The following AFG1L variants were observed in gnomAD, a reference collection of about 807,000 sequenced individuals.
AFG1L encodes AFG1-like ATPase.
A neutral mutation model predicts 62.2 loss-of-function variants in AFG1L; 53 were observed. The observed-to-expected ratio is 0.85, with a 90% CI of 0.68 to 1.07. AFG1L has a LOEUF of 1.07. Ranked by LOEUF, AFG1L falls within the 50% of genes least tolerant of loss-of-function variation. The probability of loss-of-function intolerance (pLI) is 0.00; values close to 1 mark genes in which losing one functional copy is unlikely to be tolerated. For missense variants in AFG1L, 555 were observed against 590.5 expected (o/e 0.94, Z 0.62); for synonymous variants, 228 against 210.3 (o/e 1.08, Z -0.73).
At chr6:108,354,686 G>A (rs1355205529) in intron 3 of AFG1L, among the ~76,000 whole-genome samples, 1 of 152,096 alleles carries the variant, frequency 6.6e-6, no homozygotes, top group Non-Finnish European at 1.5e-5. Context: ...GCTAGACAAA[G>A]GGATGATTTA....
chr6:108,511,134 A>G (rs71558322), intron 11 of AFG1L, among the ~76,000 whole-genome samples: 2 of 141,106 alleles, frequency 1.4e-5, no homozygotes, highest in African/African-American at 5.0e-5. Context: ...AAGGAGGAGG[A>G]GGAGGAGGAG....
intron 10 of AFG1L, among the ~76,000 whole-genome samples, chr6:108,484,577 A>G (rs776882869): frequency 6.6e-6 from 1 of 152,198 alleles, no homozygotes; most frequent in Non-Finnish European, 1.5e-5. Context: ...TTGCCTTGCA[A>G]TGCCAAATTG....
chr6:108,359,785 T>C (rs1779450426), intron 5 of AFG1L: 1 of 152,222 alleles, frequency 6.6e-6, no homozygotes, highest in Admixed American at 6.5e-5. Context: ...TAGAAAGTAA[T>C]GGAGCTCCAG....
intron 6 of AFG1L, among the ~76,000 whole-genome samples, chr6:108,390,283 A>G (rs923994941): frequency 6.6e-6 from 1 of 152,062 alleles, no homozygotes. Context: ...TCTTTTTTCA[A>G]GGTTTTTAGC....
At chr6:108,401,278 G>C (rs967761136) in intron 6 of AFG1L, among the ~76,000 whole-genome samples, 12 of 151,692 alleles carry the variant, frequency 7.9e-5, no homozygotes. Flanking sequence ...GAGTAGCTGG[G>C]ACTAGAGGCG....
Position 108,439,948 on chromosome 6 carries a change from G to A in AFG1L, c.808-7266G>A, listed in dbSNP as rs1361779479. 2.6e-5 allele frequency among the ~76,000 whole-genome samples: 4 copies of A among 151,968 alleles called. No homozygotes were observed. The East Asian group carries it at 5.8e-4, about 22-fold the overall frequency. On this transcript the variant is annotated intron_variant, in intron 7 of 12. Transcript: ENST00000368977. ...CAATTAAGCTTTTCTGTATTTAAGT[G>A]TTTATTTTCTTTCATAGAACTTTTA...
At chr6:108,299,379 A>C (rs190747562) in intron 1 of AFG1L, among the ~76,000 whole-genome samples, 1 of 152,276 alleles carries the variant, frequency 6.6e-6, no homozygotes, top group East Asian at 1.9e-4. Flanking sequence ...TGACATAATA[A>C]GTAAAAAGTA....
chr6:108,353,042 A>G (rs1779142792), intron 3 of AFG1L, among the ~76,000 whole-genome samples: 1 of 152,092 alleles, frequency 6.6e-6, no homozygotes, highest in African/African-American at 2.4e-5. Flanking sequence ...ATTGTGAATA[A>G]TTCTGCTGTG....
intron 6 of AFG1L, among the ~76,000 whole-genome samples, chr6:108,375,650 C>T (rs1266718476): frequency 1.3e-5 from 2 of 152,054 alleles, no homozygotes; most frequent in East Asian, 3.9e-4. Flanking sequence ...TATGTTGAAC[C>T]AACCTTGCAT....
At position 108,415,799 on chromosome 6, in the gene AFG1L, A is replaced by G. The variant is rs376766871; in HGVS notation, c.807+13745A>G. Among the ~76,000 whole-genome samples, 10 of 152,358 alleles carry G rather than the reference A, an allele frequency of 6.6e-5. No individual in the cohort carries two copies. In the East Asian group the frequency reaches 7.7e-4, roughly 12 times the overall value. On this transcript the variant is annotated intron_variant, in intron 7 of 12. Transcript: ENST00000368977. Reference sequence around the variant, plus strand: ...GATGGATTAAAGACTTAAATGTTAGACCTAAAACCATAAAAACCTAGAAGA... The same window carrying G: ...GATGGATTAAAGACTTAAATGTTAGGCCTAAAACCATAAAAACCTAGAAGA...
intron 8 of AFG1L, among the ~76,000 whole-genome samples, chr6:108,454,184 A>G (rs1464517019): frequency 2.0e-5 from 3 of 152,134 alleles, no homozygotes; most frequent in Non-Finnish European, 2.9e-5. Flanking sequence ...TTATATTCCT[A>G]TCATTTCTAC....
intron 1 of AFG1L, among the ~76,000 whole-genome samples, chr6:108,321,665 A>C (rs1777816342): frequency 6.6e-6 from 1 of 152,192 alleles, no homozygotes; most frequent in African/African-American, 2.4e-5. Context: ...AAATATCTCA[A>C]ATTGCCGGGA....
intron 6 of AFG1L, among the ~76,000 whole-genome samples, chr6:108,370,053 G>A (rs1779935621): frequency 6.6e-6 from 1 of 152,108 alleles, no homozygotes; most frequent in South Asian, 2.1e-4. Flanking sequence ...GCAAAGCTGA[G>A]TGGCTGGAGA....
Position 108,377,927 on chromosome 6 carries a change from T to C in AFG1L, c.748+11595T>C, listed in dbSNP as rs549634243. ...ATATATTTTCCAAGTTGTTTGCTTT[T>C]TCTCCTTCTCTCTCAGGAATGCCAA... On this transcript the variant is annotated intron_variant, in intron 6 of 12. Coordinates refer to ENST00000368977, the MANE Select transcript of AFG1L (RefSeq NM_145315.5). 2.0e-5 allele frequency among the ~76,000 whole-genome samples: 3 copies of C among 152,034 alleles called. No homozygotes were observed. In the East Asian group the frequency reaches 5.8e-4, roughly 29 times the overall value.
intron 1 of AFG1L, among the ~76,000 whole-genome samples, chr6:108,323,494 T>A (rs560751625): frequency 6.1e-4 from 93 of 152,216 alleles, no homozygotes; most frequent in African/African-American, 2.2e-3. Context: ...CCCAGGTAGC[T>A]GGGATTACAA....
chr6:108,367,538 T>A (rs2114502775), intron 6 of AFG1L, among the ~76,000 whole-genome samples: 1 of 152,136 alleles, frequency 6.6e-6, no homozygotes, highest in East Asian at 1.9e-4. Context: ...GAGAGAGGGA[T>A]CAAGAGTAAC....
chr6:108,376,277 G>T (rs1780243392), intron 6 of AFG1L, among the ~76,000 whole-genome samples: 1 of 151,962 alleles, frequency 6.6e-6, no homozygotes, highest in Admixed American at 6.6e-5. Context: ...TGGTTTCGCT[G>T]ATTCTTTGTG....
intron 6 of AFG1L, among the ~76,000 whole-genome samples, chr6:108,399,178 G>GTTTTTTTTT (rs57304886): frequency 1.6e-5 from 1 of 62,206 alleles, no homozygotes; most frequent in African/African-American, 6.7e-5. Flanking sequence ...TCTTTTGTTT[G>GTTTTTTTTT]TTTTTTTTTT....
At chr6:108,467,855 G>A (rs1165228801) in intron 8 of AFG1L, among the ~76,000 whole-genome samples, 1 of 152,296 alleles carries the variant, frequency 6.6e-6, no homozygotes, top group East Asian at 1.9e-4. Context: ...TATTTTTTAA[G>A]ATTAGTATCT....
Sources: gnomAD v4.1 joint callset for allele counts (sites outside exome capture counted in the v4.1 genomes callset) on GRCh38, gnomAD v4.1.1 for gene constraint, MANE v1.5 for transcripts, NCBI Gene and HGNC (gene_info 2026-07-23, HGNC 2026-07-21) for gene names.